Variants in GPR180 observed in about 807,000 individuals in gnomAD.
GPR180 encodes the protein integral membrane protein GPR180.
GPR180 carries 53 observed loss-of-function variants against 52.6 expected under a neutral mutation model. The ratio of observed to expected loss-of-function variants is 1.01; its 90% confidence interval spans 0.81 to 1.27. The LOEUF is 1.27. Ranked by LOEUF, GPR180 falls within the 50% of genes most tolerant of loss-of-function variation. The probability of loss-of-function intolerance (pLI) is 0.00; values close to 1 mark genes in which losing one functional copy is unlikely to be tolerated. For missense variants in GPR180, 533 were observed against 527.0 expected, an observed-to-expected ratio of 1.01 and a Z score of -0.11; for synonymous variants, 200 against 193.1, an observed-to-expected ratio of 1.04 and a Z score of -0.30.
rs1044944778 is a variant in GPR180, at chr13:94,629,777, T to C, written c.*2606T>C. On this transcript the variant is annotated 3_prime_UTR_variant, in exon 9 of 9. Transcript: ENST00000376958. Reference sequence around the variant, plus strand: ...CCAGACAGTATTACTAGCAGGAGAGTTAATCTAGGCAGAAGAGCTTGCTTT... The same window carrying C: ...CCAGACAGTATTACTAGCAGGAGAGCTAATCTAGGCAGAAGAGCTTGCTTT... 2 of 152,248 alleles carry C rather than the reference T, an allele frequency of 1.3e-5. No individual in the cohort carries two copies. The highest frequency in any genetic ancestry group is 3.9e-4 in the East Asian group (2 of 5,192). The allele number at this position is 152,248 out of a possible 1,614,324, so 9.4% of individuals were successfully genotyped here.
chr13:94,602,227 C>T (rs935551049), intron 1 of GPR180, among the ~76,000 whole-genome samples, 155 bp downstream of exon 1: 14 of 152,224 alleles, frequency 9.2e-5, no homozygotes, highest in Admixed American at 7.2e-4. Context: ...GCAGCTGCCG[C>T]GAATGGTGGG....
At position 94,627,696 on chromosome 13, in the gene GPR180, T is replaced by C. The variant is rs1889945859; in HGVS notation, c.*525T>C. 1 of 152,330 alleles carries C rather than the reference T, an allele frequency of 6.6e-6. No homozygotes were observed. Among genetic ancestry groups the C allele is most frequent in the Non-Finnish European group, 1.5e-5 (1 of 68,106 alleles). The allele number at this position is 152,330 out of a possible 1,614,324, so 9.4% of individuals were successfully genotyped here. A position where few individuals can be genotyped will look rare whatever the true frequency, so the allele number is the denominator to read the frequency against. ...TTCAGGAAATGAATATAAAATAGGT[T>C]CACAGTTAAATGAATAAGCTTTTGT... On this transcript the variant is annotated 3_prime_UTR_variant, in exon 9 of 9. Transcript: ENST00000376958.
chr13:94,602,480 T>TC (rs1256865704), intron 1 of GPR180, among the ~76,000 whole-genome samples: 1 of 117,382 alleles, frequency 8.5e-6, no homozygotes, highest in African/African-American at 3.8e-5. Flanking sequence ...AACTTAAATT[T>TC]CCTTTTTTTT....
rs902510547 is a variant in GPR180, at chr13:94,601,896, G to A, written c.-32G>A. 3 of 1,374,106 alleles carry A rather than the reference G, an allele frequency of 2.2e-6. No individual in the cohort carries two copies. Among genetic ancestry groups the A allele is most frequent in the African/African-American group, 3.0e-5 (2 of 65,946 alleles). 85.1% of individuals were successfully genotyped at this position (1,374,106 alleles called of 1,614,324 possible). On this transcript the variant is annotated 5_prime_UTR_variant, in exon 1 of 9. Transcript: ENST00000376958. The stretch of plus-strand genomic sequence containing the variant: ...GGCGGGCAGCCGCCGGCGGCTGGGA[G>A]CCGAGGCGTCGGTGCAGACCTGGAG...
chr13:94,604,822 A>G (rs991668998), intron 1 of GPR180, among the ~76,000 whole-genome samples: 1 of 151,574 alleles, frequency 6.6e-6, no homozygotes, highest in Admixed American at 6.6e-5. Context: ...GAATCCACCC[A>G]CCTTGGCCTT....
chr13:94,606,763 C>G (rs758573468), intron 2 of GPR180, among the ~76,000 whole-genome samples: 4 of 152,196 alleles, frequency 2.6e-5, no homozygotes, highest in Non-Finnish European at 5.9e-5. Context: ...GCAGAGGTCC[C>G]CAGTCCTTGC....
In GPR180 at chr13:94,627,581, T is replaced by C. The variant is rs1333264785; in HGVS notation, c.*410T>C. ...TATCTAAACTAGTCCAGTTATGAAA[T>C]CAGTGTAATACATTGATTTTTAAAA... On this transcript the variant is annotated 3_prime_UTR_variant, in exon 9 of 9. Transcript: ENST00000376958. The C allele has an allele frequency of 1.7e-5, 3 of 172,930 alleles. No individual in the cohort carries two copies. The highest frequency in any genetic ancestry group is 7.2e-5 in the African/African-American group (3 of 41,636). The allele number at this position is 172,930 out of a possible 1,614,324, so 10.7% of individuals were successfully genotyped here.
chr13:94,606,157 G>A (rs1889628019), intron 2 of GPR180, among the ~76,000 whole-genome samples: 1 of 152,162 alleles, frequency 6.6e-6, no homozygotes, highest in Admixed American at 6.5e-5. Flanking sequence ...TTAGACAGGT[G>A]TGATGGCATG....
Position 94,631,495 on chromosome 13 carries a change from C to T in GPR180, c.*4324C>T, listed in dbSNP as rs950330491. 2 of 151,062 alleles carry T rather than the reference C, an allele frequency of 1.3e-5. No individual in the cohort carries two copies. Among genetic ancestry groups the T allele is most frequent in the African/African-American group, 4.9e-5 (2 of 40,996 alleles). 9.4% of individuals were successfully genotyped at this position (151,062 alleles called of 1,614,324 possible). On this transcript the variant is annotated 3_prime_UTR_variant, in exon 9 of 9. Transcript: ENST00000376958. ...CCATCCTAGTTCTATCATATTATCCCTTTTTTTGTTTGTTGTACTTAGCTG... is the reference window on the plus strand; with the variant it reads ...CCATCCTAGTTCTATCATATTATCCTTTTTTTTGTTTGTTGTACTTAGCTG...
chr13:94,613,087 A>G (rs2139567406), intron 3 of GPR180, among the ~76,000 whole-genome samples: 2 of 152,368 alleles, frequency 1.3e-5, no homozygotes, highest in Admixed American at 1.3e-4. Context: ...GCTATGAAGT[A>G]TAACTGATTT....
chr13:94,626,978 A>G (rs1889936720), intron 8 of GPR180, 35 bp from the exon 9 acceptor site: 2 of 1,458,630 alleles, frequency 1.4e-6, no homozygotes, highest in East Asian at 2.3e-5. Context: ...CTATTTCTGC[A>G]TGTAGTAAAA....
At chr13:94,607,012 C>T (rs375902423) in intron 2 of GPR180, among the ~76,000 whole-genome samples, 6 of 152,186 alleles carry the variant, frequency 3.9e-5, no homozygotes, top group Admixed American at 6.5e-5. Context: ...ATTCCTCTGG[C>T]GTCTAAACTG....
rs546554398 is a variant in GPR180 at position 94,604,623 on chromosome 13, T to C, written c.146-768T>C. 9.9e-5 allele frequency among the ~76,000 whole-genome samples: 15 copies of C among 151,992 alleles called. No homozygotes were observed. The South Asian group carries it at 2.7e-3, about 27-fold the overall frequency. ...AAGAGTTTTGCTCTGTCACCCAGAC[T>C]GGAGTGCAGTGGTGTAATCAAAGCT... On this transcript the variant is annotated intron_variant, in intron 1 of 8. Transcript: ENST00000376958.
intron 1 of GPR180, 79 bp from the exon 2 acceptor site, chr13:94,605,312 A>C (rs1889614806): frequency 7.7e-7 from 1 of 1,294,030 alleles, no homozygotes. Flanking sequence ...CATTTTGGTA[A>C]GTAGAGGTGT....
chr13:94,603,239 C>T (rs369298544), intron 1 of GPR180, among the ~76,000 whole-genome samples: 3 of 152,128 alleles, frequency 2.0e-5, no homozygotes, highest in Admixed American at 6.5e-5. Flanking sequence ...TCTCATTCAA[C>T]GGACTGTAAC....
chr13:94,624,298 A>G (rs1175856691), intron 7 of GPR180, among the ~76,000 whole-genome samples: 1 of 152,166 alleles, frequency 6.6e-6, no homozygotes, highest in Admixed American at 6.5e-5. Flanking sequence ...GATTCTGTTC[A>G]GGCAGCCCAC....
intron 6 of GPR180, among the ~76,000 whole-genome samples, 186 bp downstream of exon 6, chr13:94,621,421 A>G (rs1376598267): frequency 6.6e-6 from 1 of 152,198 alleles, no homozygotes. Flanking sequence ...AGATCAAATA[A>G]TCTTAATTAT....
Position 94,629,599 on chromosome 13 carries a change from G to T in GPR180, c.*2428G>T, listed in dbSNP as rs190282332. On this transcript the variant is annotated 3_prime_UTR_variant, in exon 9 of 9. Coordinates refer to ENST00000376958, the MANE Select transcript of GPR180 (RefSeq NM_180989.6). Reference sequence around the variant, plus strand: ...TTTACCTTCATGATTTAAGGAACATGTATTAGCTGTGTTTTAGTGAGAATG... The same window carrying T: ...TTTACCTTCATGATTTAAGGAACATTTATTAGCTGTGTTTTAGTGAGAATG... 6.6e-6 allele frequency: 1 copy of T among 152,146 alleles called. No homozygotes were observed. Among genetic ancestry groups the T allele is most frequent in the African/African-American group, 2.4e-5 (1 of 41,436 alleles). The allele number at this position is 152,146 out of a possible 1,614,324, so 9.4% of individuals were successfully genotyped here. A position where few individuals can be genotyped will look rare whatever the true frequency, so the allele number is the denominator to read the frequency against.
chr13:94,603,372 A>G (rs889958415), intron 1 of GPR180, among the ~76,000 whole-genome samples: 1 of 152,214 alleles, frequency 6.6e-6, no homozygotes, highest in African/African-American at 2.4e-5. Flanking sequence ...GGACGACCTC[A>G]TAGTTCCTGA....
Sources: gnomAD v4.1 joint callset for allele counts (sites outside exome capture counted in the v4.1 genomes callset) on GRCh38, gnomAD v4.1.1 for gene constraint, MANE v1.5 for transcripts, NCBI Gene and HGNC (gene_info 2026-07-23, HGNC 2026-07-21) for gene names.